The following PDE10A variants were observed in gnomAD, a reference collection of about 807,000 sequenced individuals.
PDE10A encodes phosphodiesterase 10A, also known as cAMP and cAMP-inhibited cGMP 3',5'-cyclic phosphodiesterase 10A.
A neutral mutation model predicts 97.7 loss-of-function variants in PDE10A; 39 were observed. The ratio of observed to expected loss-of-function variants is 0.40; its 90% confidence interval spans 0.31 to 0.52. The LOEUF (loss-of-function observed/expected upper bound fraction) is 0.52, where lower values mean the gene tolerates loss of function less well. Among genes scored for constraint, PDE10A ranks in the 20% least tolerant of loss-of-function variants. The pLI is 0.56. For synonymous variants in PDE10A, 371 were observed against 376.8 expected (o/e 0.98, Z 0.18); for missense variants, 731 against 1,047.8 (o/e 0.70, Z 4.17).
chr6:165,619,049 CTAGTGTGGTGTAGTG>C (rs1562633608), intron 1 of PDE10A, among the ~76,000 whole-genome samples: 3 of 101,886 alleles, frequency 2.9e-5, no homozygotes, highest in Non-Finnish European at 6.4e-5. Context: ...GTAGTGTAGT[CTAGTGTGGTGTAGTG>C]TAGTGTAGTG....
At position 165,890,641 on chromosome 6, in the gene PDE10A, G is replaced by A. The variant is rs140770810; in HGVS notation, c.-615+96888C>T. On this transcript the variant is annotated intron_variant, in intron 1 of 19. Transcript: ENST00000366882. ...TACGTTTCTCAGTGGATCTCAAGTA[G>A]GCGCAAAGACGTTCCTGCCTTTACC... Among the ~76,000 whole-genome samples the A allele has an allele frequency of 3.5e-4, 54 of 152,284 alleles. No homozygotes were observed. In the Middle Eastern group the frequency reaches 0.01, roughly 29 times the overall value.
At chr6:165,673,655 G>A (rs1229039199) in intron 1 of PDE10A, among the ~76,000 whole-genome samples, 1 of 152,142 alleles carries the variant, frequency 6.6e-6, no homozygotes, top group African/African-American at 2.4e-5. Context: ...ACACTTTCAT[G>A]TTTTGTTTTG....
At chr6:165,953,686 C>A (rs181942568) in intron 1 of PDE10A, among the ~76,000 whole-genome samples, 36 of 152,342 alleles carry the variant, frequency 2.4e-4, no homozygotes, top group African/African-American at 8.4e-4. Context: ...CCGGCATCCT[C>A]TACTATCTGC....
rs1783982226 is a variant in PDE10A at position 165,952,096 on chromosome 6, T to A, written c.-615+35433A>T. Among the ~76,000 whole-genome samples, 3 of 152,340 alleles carry A rather than the reference T, an allele frequency of 2.0e-5. No individual in the cohort carries two copies. In the South Asian group the frequency reaches 6.2e-4, roughly 32 times the overall value. ...CATGCGAAGTAACGAGGCAGAGACA[T>A]TAAATGACTTTCCCAGTCTGTGCAT... On this transcript the variant is annotated intron_variant, in intron 1 of 19. Transcript: ENST00000366882.
chr6:165,726,913 T>G (rs532872592), intron 1 of PDE10A, among the ~76,000 whole-genome samples: 1 of 152,262 alleles, frequency 6.6e-6, no homozygotes, highest in South Asian at 2.1e-4. Context: ...GAAGCTCAAA[T>G]GTGTCCCAAA....
chr6:165,977,482 A>G (rs1295512396), intron 1 of PDE10A, among the ~76,000 whole-genome samples: 1 of 152,234 alleles, frequency 6.6e-6, no homozygotes, highest in Admixed American at 6.5e-5. Context: ...ACCAAATTCA[A>G]CATCCATGGT....
At chr6:165,856,335 C>T (rs2500483) in intron 1 of PDE10A, among the ~76,000 whole-genome samples, 117,840 of 152,110 alleles carry the variant, frequency 0.77, 46,016 homozygotes, top group East Asian at 0.96. Context: ...CCTGACTCTA[C>T]GGTGTCACCA....
intron 1 of PDE10A, among the ~76,000 whole-genome samples, chr6:165,938,337 G>A (rs1318212652): frequency 6.6e-6 from 1 of 152,146 alleles, no homozygotes; most frequent in Non-Finnish European, 1.5e-5. Context: ...GTGTAAATAT[G>A]GTTGTCTCCA....
intron 1 of PDE10A, among the ~76,000 whole-genome samples, chr6:165,851,458 A>G (rs1265638290): frequency 6.6e-6 from 1 of 152,216 alleles, no homozygotes; most frequent in African/African-American, 2.4e-5. Flanking sequence ...CTGAGCACAT[A>G]TTACGTGCTA....
intron 1 of PDE10A, among the ~76,000 whole-genome samples, chr6:165,984,933 CAA>C (rs1380777271): frequency 1.3e-5 from 2 of 152,206 alleles, no homozygotes; most frequent in Non-Finnish European, 2.9e-5. Context: ...CCAGTGCACA[CAA>C]AGACTCATGT....
chr6:165,684,229 C>A (rs1344758992), intron 1 of PDE10A, among the ~76,000 whole-genome samples: 1 of 152,190 alleles, frequency 6.6e-6, no homozygotes, highest in African/African-American at 2.4e-5. Context: ...TCGCTAAGAT[C>A]CCAGAGGGCA....
At chr6:165,431,042 A>C (rs1789515823) in intron 8 of PDE10A, among the ~76,000 whole-genome samples, 1 of 152,172 alleles carries the variant, frequency 6.6e-6, no homozygotes, top group African/African-American at 2.4e-5. Flanking sequence ...TGTTTCATAG[A>C]TCACTTAGAG....
intron 13 of PDE10A, among the ~76,000 whole-genome samples, chr6:165,411,471 G>C (rs1033587823): frequency 6.6e-6 from 1 of 152,054 alleles, no homozygotes; most frequent in East Asian, 1.9e-4. Context: ...GGGAGAAGGC[G>C]GCCATCTGCA....
chr6:165,505,802 C>G (rs535502822), intron 2 of PDE10A, among the ~76,000 whole-genome samples: 1 of 152,230 alleles, frequency 6.6e-6, no homozygotes, highest in African/African-American at 2.4e-5. Flanking sequence ...GAACTCCAGT[C>G]TGATTTCACC....
chr6:165,518,566 T>A (rs1781952390), intron 2 of PDE10A, among the ~76,000 whole-genome samples: 1 of 152,162 alleles, frequency 6.6e-6, no homozygotes, highest in African/African-American at 2.4e-5. Flanking sequence ...CGCCCTCACT[T>A]TACTTAATAA....
chr6:165,867,053 A>G (rs779721478), intron 1 of PDE10A, among the ~76,000 whole-genome samples: 3 of 152,048 alleles, frequency 2.0e-5, no homozygotes, highest in Non-Finnish European at 4.4e-5. Context: ...GTTAAATGTT[A>G]TCACTGGGAA....
chr6:165,574,613 A>G (rs1220203017), intron 1 of PDE10A, among the ~76,000 whole-genome samples: 1 of 152,250 alleles, frequency 6.6e-6, no homozygotes, highest in East Asian at 1.9e-4. Flanking sequence ...TTGAAAACTA[A>G]TCTTGTCGAT....
chr6:165,441,774 G>A (rs1423002411), intron 5 of PDE10A, among the ~76,000 whole-genome samples: 1 of 152,192 alleles, frequency 6.6e-6, no homozygotes, highest in Non-Finnish European at 1.5e-5. Flanking sequence ...GGTGCCTGGT[G>A]ATGACTGGGG....
chr6:165,450,216 TAACAGGAA>T lies in PDE10A; in HGVS notation c.1144+18_1144+25del. On this transcript the variant is annotated intron_variant, in intron 4 of 21. Coordinates refer to ENST00000539869, the MANE Select transcript of PDE10A (RefSeq NM_001385079.1). Reference sequence around the variant, plus strand: ...TAAAAGAATCTTTGCCCATTTTTTCTAACAGGAACACAAAATGCTTCTTACCTATTTTA... The same window carrying T: ...TAAAAGAATCTTTGCCCATTTTTTCTCACAAAATGCTTCTTACCTATTTTA... 2 of 1,504,152 alleles carry T rather than the reference TAACAGGAA, an allele frequency of 1.3e-6. No individual in the cohort carries two copies. Among genetic ancestry groups the T allele is most frequent in the Admixed American group, 4.1e-5 (2 of 48,630 alleles). The allele number at this position is 1,504,152 out of a possible 1,614,324, so 93.2% of individuals were successfully genotyped here. A position where few individuals can be genotyped will look rare whatever the true frequency, so the allele number is the denominator to read the frequency against.
Sources: allele counts gnomAD v4.1 joint callset (sites outside exome capture counted in the v4.1 genomes callset), GRCh38; gene constraint gnomAD v4.1.1; transcripts MANE v1.5; gene names NCBI Gene and HGNC (gene_info 2026-07-23, HGNC 2026-07-21).